The following ANXA8 variants were observed in gnomAD, a reference collection of about 807,000 sequenced individuals.
ANXA8 encodes the protein annexin A8.
Under a neutral mutation model 26.8 loss-of-function variants are expected in ANXA8, and 9 were observed. That is an observed-to-expected ratio of 0.34 (90% CI 0.20 to 0.59). ANXA8 has a LOEUF of 0.59. ANXA8 is among the 20% of genes least tolerant of loss of function. The pLI is 0.84. For synonymous variants in ANXA8, 39 were observed against 94.8 expected (o/e 0.41, Z 3.42); for missense variants, 83 against 238.5 (o/e 0.35, Z 4.29).
the ANXA8 span, among the ~76,000 whole-genome samples, chr10:47,888,988 G>A: frequency 0.51 from 50,379 of 99,250 alleles, 11,659 homozygotes; most frequent in South Asian, 0.62. Flanking sequence ...ATATATGTGT[G>A]TGTGTGTGTG....
chr10:47,730,173 C>CAA, the ANXA8 span: 2 of 343,706 alleles, frequency 5.8e-6, no homozygotes, highest in Non-Finnish European at 9.6e-6. Flanking sequence ...TGAAACCATT[C>CAA]AATGTGTGTG....
the ANXA8 span, among the ~76,000 whole-genome samples, chr10:47,665,468 AT>A: frequency 6.6e-6 from 1 of 151,200 alleles, no homozygotes; most frequent in African/African-American, 2.5e-5. Flanking sequence ...ATGATAATGT[AT>A]TTCTCCATTG....
chr10:47,694,101 C>G, the ANXA8 span, among the ~76,000 whole-genome samples: 34 of 151,762 alleles, frequency 2.2e-4, no homozygotes, highest in Non-Finnish European at 4.4e-4. Flanking sequence ...CCTAACATCT[C>G]TATAGTTGTT....
At chr10:47,976,270 G>A in the ANXA8 span, among the ~76,000 whole-genome samples, 1 of 150,154 alleles carries the variant, frequency 6.7e-6, no homozygotes, top group South Asian at 2.1e-4. Flanking sequence ...TCAGAGTCCT[G>A]GAAATTAACC....
the ANXA8 span, chr10:47,502,311 C>G: frequency 6.2e-7 from 1 of 1,603,056 alleles, no homozygotes; most frequent in Non-Finnish European, 8.5e-7. Flanking sequence ...CATGTGCCAG[C>G]AGCAGGATGG....
At chr10:47,767,715 C>T in the ANXA8 span, among the ~76,000 whole-genome samples, 1 of 151,684 alleles carries the variant, frequency 6.6e-6, no homozygotes, top group Non-Finnish European at 1.5e-5. Context: ...ACCCCCTGCC[C>T]CCGTGAGAGG....
the ANXA8 span, among the ~76,000 whole-genome samples, chr10:47,776,978 A>G: frequency 3.2e-4 from 48 of 151,698 alleles, no homozygotes; most frequent in South Asian, 1.0e-3. Flanking sequence ...CGGAAGAGGA[A>G]GGCTCGCCCC....
At chr10:47,496,463 ATTAAT>A in the ANXA8 span, among the ~76,000 whole-genome samples, 5 of 151,444 alleles carry the variant, frequency 3.3e-5, no homozygotes, top group South Asian at 6.3e-4. Flanking sequence ...AACCAATTTT[ATTAAT>A]TTAATTAAAT....
chr10:47,676,240 G>T, the ANXA8 span, among the ~76,000 whole-genome samples: 1 of 151,696 alleles, frequency 6.6e-6, no homozygotes, highest in Admixed American at 6.6e-5. Context: ...AAGGAGAGAA[G>T]AGAACGTGGC....
the ANXA8 span, among the ~76,000 whole-genome samples, chr10:47,956,775 T>A: frequency 6.7e-6 from 1 of 149,818 alleles, no homozygotes; most frequent in African/African-American, 2.5e-5. Context: ...TACCTTCCCT[T>A]CCTCGCACAG....
chr10:47,570,856 T>G, the ANXA8 span, among the ~76,000 whole-genome samples: 7 of 148,592 alleles, frequency 4.7e-5, no homozygotes, highest in East Asian at 1.4e-3. Flanking sequence ...AATAACCTAA[T>G]ATAGAAATAC....
the ANXA8 span, among the ~76,000 whole-genome samples, chr10:47,537,619 T>TA: frequency 1.6e-4 from 22 of 138,636 alleles, 3 homozygotes; most frequent in African/African-American, 4.3e-4. Context: ...TTACATAATT[T>TA]AAAAAAAACT....
the ANXA8 span, among the ~76,000 whole-genome samples, chr10:47,898,803 G>A: frequency 1.2e-4 from 10 of 83,288 alleles, no homozygotes; most frequent in East Asian, 1.9e-3. Context: ...GCTATAGAAA[G>A]AGAATGGATT....
At chr10:47,691,735 A>G in the ANXA8 span, among the ~76,000 whole-genome samples, 1 of 149,366 alleles carries the variant, frequency 6.7e-6, no homozygotes, top group African/African-American at 2.6e-5. Context: ...CTCTAGCCCA[A>G]GCAACAGAGT....
the ANXA8 span, among the ~76,000 whole-genome samples, chr10:47,973,677 C>G: frequency 6.6e-6 from 1 of 150,806 alleles, no homozygotes; most frequent in African/African-American, 2.4e-5. Flanking sequence ...TCTTGGAGGT[C>G]TTGGGCATTT....
the ANXA8 span, among the ~76,000 whole-genome samples, chr10:47,652,941 T>C: frequency 5.3e-5 from 8 of 151,408 alleles, no homozygotes; most frequent in Admixed American, 4.6e-4. Context: ...TTTTATATTA[T>C]ATTTATAAAG....
the ANXA8 span, among the ~76,000 whole-genome samples, chr10:47,610,595 TTA>T: frequency 2.8e-5 from 3 of 107,012 alleles, no homozygotes; most frequent in African/African-American, 1.2e-4. Flanking sequence ...CTACATTTAT[TTA>T]TATATATATA....
chr10:47,526,487 T>C, the ANXA8 span, among the ~76,000 whole-genome samples: 1 of 133,170 alleles, frequency 7.5e-6, no homozygotes. Flanking sequence ...AGGCACTGTA[T>C]GTGTGAAATA....
the ANXA8 span, among the ~76,000 whole-genome samples, chr10:47,649,730 A>T: frequency 6.9e-6 from 1 of 145,370 alleles, no homozygotes; most frequent in Non-Finnish European, 1.5e-5. Flanking sequence ...AAATTTTTTT[A>T]AAGTTTTTAT....
Sources: gnomAD v4.1 joint callset for allele counts (sites outside exome capture counted in the v4.1 genomes callset) on GRCh38, gnomAD v4.1.1 for gene constraint, MANE v1.5 for transcripts, NCBI Gene and HGNC (gene_info 2026-07-23, HGNC 2026-07-21) for gene names.